Variants in KYNU observed in about 807,000 individuals in gnomAD.
KYNU encodes L-kynurenine hydrolase.
In KYNU, 54 loss-of-function variants were observed where a neutral mutation model predicts 59.2. That is an observed-to-expected ratio of 0.91 (90% CI 0.73 to 1.14). KYNU has a LOEUF of 1.14. KYNU is among the 50% of genes most tolerant of loss of function. The pLI is 0.00. For synonymous variants in KYNU, 177 were observed against 192.0 expected, an observed-to-expected ratio of 0.92 and a Z score of 0.65; for missense variants, 567 against 554.4, an observed-to-expected ratio of 1.02 and a Z score of -0.23.
At chr2:142,885,269 CA>C (rs1681463376) in intron 1 of KYNU, 79 bp from the exon 2 acceptor site, 1 of 1,140,590 alleles carries the variant, frequency 8.8e-7, no homozygotes, top group African/African-American at 1.5e-5. Context: ...TTAGTGAAAA[CA>C]AAAGGTGTAT....
chr2:143,022,012 C>T (rs1319591156), intron 10 of KYNU, among the ~76,000 whole-genome samples: 2 of 152,052 alleles, frequency 1.3e-5, no homozygotes, highest in Non-Finnish European at 2.9e-5. Context: ...CACCAGACTA[C>T]CATACTAAAG....
rs911629900 is a variant in KYNU, at chr2:143,050,947, C to T, written c.*8775C>T. 1.3e-5 allele frequency: 2 copies of T among 152,076 alleles called. No individual in the cohort carries two copies. Among genetic ancestry groups the T allele is most frequent in the Non-Finnish European group, 2.9e-5 (2 of 68,018 alleles). 9.4% of individuals were successfully genotyped at this position (152,076 alleles called of 1,614,324 possible). A position where few individuals can be genotyped will look rare whatever the true frequency, so the allele number is the denominator to read the frequency against. ...ACCTGGGAATCAAAGTATTAGGGTA[C>T]CTTGTTACTGAGATTATGGATGTGA... On this transcript the variant is annotated 3_prime_UTR_variant, in exon 14 of 14. Coordinates refer to ENST00000264170, the MANE Select transcript of KYNU (RefSeq NM_003937.3).
intron 2 of KYNU, among the ~76,000 whole-genome samples, chr2:142,912,610 C>T (rs1203511171): frequency 4.0e-5 from 6 of 151,204 alleles, no homozygotes; most frequent in Admixed American, 3.9e-4. Flanking sequence ...AACTCCCAAC[C>T]TCAGGTGATC....
chr2:142,931,562 G>T (rs900761901), intron 4 of KYNU, among the ~76,000 whole-genome samples: 2 of 152,108 alleles, frequency 1.3e-5, no homozygotes, highest in Non-Finnish European at 1.5e-5. Flanking sequence ...TTCTGAGTGG[G>T]TTAGAGTTTG....
At chr2:143,030,476 CT>C (rs1340979000) in intron 11 of KYNU, among the ~76,000 whole-genome samples, 3 of 151,966 alleles carry the variant, frequency 2.0e-5, no homozygotes, top group Admixed American at 2.0e-4. Flanking sequence ...TTTTTATTGA[CT>C]TTATTTTTTT....
rs931288767 is a variant in KYNU at position 143,050,048 on chromosome 2, A to C, written c.*7876A>C. The C allele has an allele frequency of 6.8e-6, 1 of 148,016 alleles. No homozygotes were observed. The highest frequency in any genetic ancestry group is 6.8e-5 in the Admixed American group (1 of 14,784). 9.2% of individuals were successfully genotyped at this position (148,016 alleles called of 1,614,324 possible). On this transcript the variant is annotated 3_prime_UTR_variant, in exon 14 of 14. Transcript: ENST00000264170. ...AAACATATATTTATATAAAATAAAA[A>C]CATATAAAATATGAAATATATAATA...
At chr2:142,975,372 C>A (rs1048122161) in intron 8 of KYNU, among the ~76,000 whole-genome samples, 4 of 152,180 alleles carry the variant, frequency 2.6e-5, no homozygotes, top group Non-Finnish European at 5.9e-5. Context: ...TGAGATCCCA[C>A]CTCCATCACT....
chr2:143,005,409 A>G (rs1558970629), intron 10 of KYNU, among the ~76,000 whole-genome samples: 1 of 152,188 alleles, frequency 6.6e-6, no homozygotes, highest in Non-Finnish European at 1.5e-5. Context: ...GGCCCTGCTC[A>G]TAAGAGTTTC....
chr2:143,022,288 T>C (rs1188837575), intron 10 of KYNU, among the ~76,000 whole-genome samples: 1 of 152,098 alleles, frequency 6.6e-6, no homozygotes, highest in Non-Finnish European at 1.5e-5. Flanking sequence ...AAGGAGATAA[T>C]CTTATTTTTC....
At chr2:143,007,850 C>G (rs917372878) in intron 10 of KYNU, among the ~76,000 whole-genome samples, 8 of 117,066 alleles carry the variant, frequency 6.8e-5, no homozygotes, top group African/African-American at 3.1e-4. Context: ...TACAGACAAG[C>G]AAATGCTGAG....
At chr2:142,957,854 C>T (rs1211988672) in intron 7 of KYNU, 139 bp downstream of exon 7, 1 of 632,144 alleles carries the variant, frequency 1.6e-6, no homozygotes, top group Non-Finnish European at 2.8e-6. Context: ...ACTTCTGTTA[C>T]TATTAGATCA....
Position 142,934,996 on chromosome 2 carries a change from G to A in KYNU, c.373+7255G>A, listed in dbSNP as rs188091285. On this transcript the variant is annotated intron_variant, in intron 4 of 13. Transcript: ENST00000264170. ...CTTCCCTGTTGAGCTGCAGCCCTGC[G>A]GGCCTGGTGGAGGTAAGCATTTGAG... Among the ~76,000 whole-genome samples the A allele has an allele frequency of 2.5e-4, 38 of 152,326 alleles. 1 individual carries two copies. In the East Asian group the frequency reaches 3.9e-3, roughly 15 times the overall value.
At position 143,050,746 on chromosome 2, in the gene KYNU, ACTTTCT is replaced by A. The variant is rs1338620021; in HGVS notation, c.*8575_*8580del. 2 of 152,166 alleles carry A rather than the reference ACTTTCT, an allele frequency of 1.3e-5. No individual in the cohort carries two copies. Among genetic ancestry groups the A allele is most frequent in the Non-Finnish European group, 2.9e-5 (2 of 68,030 alleles). 9.4% of individuals were successfully genotyped at this position (152,166 alleles called of 1,614,324 possible). ...TTCTACAGCTATTTTATGCTCAATA[ACTTTCT>A]ACTTATTCTTGAGTTCAAAACTATA... On this transcript the variant is annotated 3_prime_UTR_variant, in exon 14 of 14. Coordinates refer to ENST00000264170, the MANE Select transcript of KYNU (RefSeq NM_003937.3).
intron 4 of KYNU, among the ~76,000 whole-genome samples, chr2:142,929,450 C>A (rs1210952192): frequency 6.6e-6 from 1 of 151,734 alleles, no homozygotes; most frequent in Non-Finnish European, 1.5e-5. Context: ...CTGCTAATCA[C>A]CTGACCATGA....
intron 2 of KYNU, among the ~76,000 whole-genome samples, chr2:142,887,115 A>G (rs1037606554): frequency 4.6e-5 from 7 of 152,018 alleles, no homozygotes; most frequent in African/African-American, 1.2e-4. Flanking sequence ...GCTTGCAGAG[A>G]GCGGAGACTG....
chr2:143,013,298 C>CTCTGTGTGTGTGTGTGTGTGTGTG (rs72349700), intron 10 of KYNU, among the ~76,000 whole-genome samples: 8 of 149,468 alleles, frequency 5.4e-5, no homozygotes, highest in African/African-American at 2.0e-4. Flanking sequence ...GTCTCTTTCT[C>CTCTGTGTGTGTGTGTGTGTGTGTG]TGTGTGTGTG....
At chr2:142,978,226 A>T (rs556545541) in intron 8 of KYNU, among the ~76,000 whole-genome samples, 1 of 152,196 alleles carries the variant, frequency 6.6e-6, no homozygotes, top group South Asian at 2.1e-4. Context: ...GCATGTGTGC[A>T]CACACACACA....
intron 2 of KYNU, among the ~76,000 whole-genome samples, chr2:142,906,872 T>C (rs1450817040): frequency 1.3e-5 from 2 of 152,044 alleles, no homozygotes; most frequent in Admixed American, 1.3e-4. Flanking sequence ...ACCCTTGGCA[T>C]CCCTAGGAAA....
rs1409425805 is a variant in KYNU at position 143,044,857 on chromosome 2, G to T, written c.*2685G>T. ...AATCAGGTTCCATTTGTCAGTTTTG[G>T]CTTTTGTTGCAATTGCTTTTGGTGT... On this transcript the variant is annotated 3_prime_UTR_variant, in exon 14 of 14. Coordinates refer to ENST00000264170, the MANE Select transcript of KYNU (RefSeq NM_003937.3). The T allele has an allele frequency of 6.6e-6, 1 of 151,534 alleles. No individual in the cohort carries two copies. Among genetic ancestry groups the T allele is most frequent in the Non-Finnish European group, 1.5e-5 (1 of 67,940 alleles). The allele number at this position is 151,534 out of a possible 1,614,324, so 9.4% of individuals were successfully genotyped here. A position where few individuals can be genotyped will look rare whatever the true frequency, so the allele number is the denominator to read the frequency against.
Sources: gnomAD v4.1 joint callset for allele counts (sites outside exome capture counted in the v4.1 genomes callset) on GRCh38, gnomAD v4.1.1 for gene constraint, MANE v1.5 for transcripts, NCBI Gene and HGNC (gene_info 2026-07-23, HGNC 2026-07-21) for gene names.